Variants in SCIN observed in about 807,000 individuals in gnomAD.
The protein encoded by SCIN is scinderin, also known as adseverin.
A neutral mutation model predicts 91.8 loss-of-function variants in SCIN; 91 were observed. That is an observed-to-expected ratio of 0.99 (90% CI 0.84 to 1.18). The LOEUF (loss-of-function observed/expected upper bound fraction) is 1.18. Among genes scored for constraint, SCIN ranks in the 50% most tolerant of loss-of-function variants. The pLI is 0.00. For synonymous variants in SCIN, 367 were observed against 312.6 expected (o/e 1.17, Z -1.84); for missense variants, 1,087 against 863.9 (o/e 1.26, Z -3.24).
rs59555647 is a variant in SCIN at position 12,628,032 on chromosome 7, C to CGTGTGT, written c.1198-1040_1198-1035dup. Among the ~76,000 whole-genome samples, 12 of 146,398 alleles carry CGTGTGT rather than the reference C, an allele frequency of 8.2e-5. 1 individual carries two copies. The highest frequency in any genetic ancestry group is 2.8e-4 in the African/African-American group (11 of 39,016). ...CTGAGAACTTAGGCAAGTGTGCGCG[C>CGTGTGT]GTGTGTGTGTGTGTGTGTGTGTGTG... is the stretch of plus-strand genomic sequence containing the variant. On this transcript the variant is annotated intron_variant, in intron 8 of 15. Coordinates refer to ENST00000297029, the MANE Select transcript of SCIN (RefSeq NM_001112706.3).
chr7:12,618,358 C>T (rs1757384011), intron 4 of SCIN, among the ~76,000 whole-genome samples: 1 of 152,134 alleles, frequency 6.6e-6, no homozygotes, highest in African/African-American at 2.4e-5. Flanking sequence ...AAATCTCTTG[C>T]AGAAGCCCAG....
chr7:12,583,107 C>A (rs1782522109), intron 3 of SCIN, among the ~76,000 whole-genome samples: 1 of 151,084 alleles, frequency 6.6e-6, no homozygotes, highest in African/African-American at 2.4e-5. Context: ...GAAAGTATTT[C>A]TTTTCTTAAA....
Position 12,657,561 on chromosome 7 carries a change from T to TAC in SCIN, c.*4847_*4848insCA, listed in dbSNP as rs1562642365. On this transcript the variant is annotated 3_prime_UTR_variant, in exon 16 of 16. Transcript: ENST00000297029. ...GTGTATATATATATATATATATATA[T>TAC]ATATATATATATTTTTTTTTTTTTT... The TAC allele has an allele frequency of 3.0e-4, 7 of 23,104 alleles. No individual in the cohort carries two copies. Among genetic ancestry groups the TAC allele is most frequent in the African/African-American group, 9.5e-4 (7 of 7,332 alleles). The allele number at this position is 23,104 out of a possible 1,614,324, so 1.4% of individuals were successfully genotyped here.
At position 12,626,512 on chromosome 7, in the gene SCIN, C is replaced by T. The variant is rs1169126837; in HGVS notation, c.982-72C>T. The T allele has an allele frequency of 2.6e-6, 3 of 1,163,652 alleles. No homozygotes were observed. In the Admixed American group the frequency reaches 7.5e-5, roughly 29 times the overall value. 72.1% of individuals were successfully genotyped at this position (1,163,652 alleles called of 1,614,324 possible). A position where few individuals can be genotyped will look rare whatever the true frequency, so the allele number is the denominator to read the frequency against. Reference sequence around the variant, plus strand: ...ATTTTCCATTTCCTTACTTTTGTCTCCACTGCCAGATTCATATTTTCCCTT... The same window carrying T: ...ATTTTCCATTTCCTTACTTTTGTCTTCACTGCCAGATTCATATTTTCCCTT... On this transcript the variant is annotated intron_variant, in intron 7 of 15. Coordinates refer to ENST00000297029, the MANE Select transcript of SCIN (RefSeq NM_001112706.3).
intron 4 of SCIN, among the ~76,000 whole-genome samples, chr7:12,608,321 G>GCACACA (rs35120183): frequency 0.3 from 44,489 of 148,522 alleles, 6,730 homozygotes; most frequent in East Asian, 0.35. Flanking sequence ...ATGCACACAT[G>GCACACA]CACACACACA....
intron 4 of SCIN, among the ~76,000 whole-genome samples, chr7:12,621,456 C>T (rs774490321): frequency 6.6e-6 from 1 of 151,986 alleles, no homozygotes; most frequent in Non-Finnish European, 1.5e-5. Flanking sequence ...CTGGGTCCGC[C>T]CACTGGGAGG....
rs1187475336 is a variant in SCIN at position 12,590,020 on chromosome 7, G to A, written c.516+8799G>A. Among the ~76,000 whole-genome samples, 3 of 152,160 alleles carry A rather than the reference G, an allele frequency of 2.0e-5. No individual in the cohort carries two copies. In the East Asian group the frequency reaches 5.8e-4, roughly 29 times the overall value. ...ATTTGCCCTTTCGACTTTTCCGGAT[G>A]TCTGGGGCCAGCATGGGATATGGAG... On this transcript the variant is annotated intron_variant, in intron 3 of 15. Transcript: ENST00000297029.
intron 3 of SCIN, among the ~76,000 whole-genome samples, chr7:12,585,999 C>T (rs907769123): frequency 1.3e-5 from 2 of 152,196 alleles, no homozygotes; most frequent in Non-Finnish European, 2.9e-5. Context: ...CCTTTAGGGT[C>T]AGATTTAGAC....
chr7:12,637,799 G>A (rs972805100), intron 10 of SCIN, among the ~76,000 whole-genome samples: 1 of 152,170 alleles, frequency 6.6e-6, no homozygotes, highest in Non-Finnish European at 1.5e-5. Flanking sequence ...AATTATAAAT[G>A]AGTCAACTTT....
At chr7:12,573,056 T>C (rs7811582) in intron 1 of SCIN, among the ~76,000 whole-genome samples, 73,932 of 151,782 alleles carry the variant, frequency 0.49, 18,488 homozygotes, top group African/African-American at 0.58. Flanking sequence ...AAGAGAGAAT[T>C]ATGGAGAGAA....
chr7:12,636,214 G>A, intron 10 of SCIN, 79 bp downstream of exon 10: 1 of 975,712 alleles, frequency 1.0e-6, no homozygotes, highest in Non-Finnish European at 1.6e-6. Flanking sequence ...TCCCTCCCAA[G>A]TTGGGATAGA....
intron 13 of SCIN, among the ~76,000 whole-genome samples, chr7:12,645,018 TAAAAAAAAA>T: frequency 1.1e-5 from 1 of 93,768 alleles, no homozygotes; most frequent in East Asian, 3.4e-4. Flanking sequence ...AAAACTCCGT[TAAAAAAAAA>T]AAAAAAAAAG....
intron 3 of SCIN, among the ~76,000 whole-genome samples, chr7:12,583,332 C>A (rs1782526597): frequency 1.3e-5 from 2 of 152,166 alleles, no homozygotes; most frequent in Admixed American, 1.3e-4. Flanking sequence ...TCAGTCTCAT[C>A]TGACACACAG....
At chr7:12,638,473 A>G (rs1783796592) in intron 10 of SCIN, among the ~76,000 whole-genome samples, 1 of 152,226 alleles carries the variant, frequency 6.6e-6, no homozygotes, top group Non-Finnish European at 1.5e-5. Context: ...TGTTTCTGAT[A>G]CAGCAGCATT....
chr7:12,614,302 A>T (rs1362553608), intron 4 of SCIN, among the ~76,000 whole-genome samples: 1 of 152,214 alleles, frequency 6.6e-6, no homozygotes, highest in Non-Finnish European at 1.5e-5. Flanking sequence ...TTATTAACAC[A>T]GGAATTAAAT....
At chr7:12,627,831 T>A (rs146917316) in intron 8 of SCIN, among the ~76,000 whole-genome samples, 40 of 152,270 alleles carry the variant, frequency 2.6e-4, no homozygotes, top group Non-Finnish European at 4.4e-4. Context: ...CCTTCTCCTG[T>A]GCCATCCTAG....
Position 12,571,421 on chromosome 7 carries a change from C to T in SCIN, c.199+436C>T, listed in dbSNP as rs576881653. ...AGGAAGTCATAAAGTCTGGGGGCAT[C>T]TGCCGCCGCTAGGAAGAAGTCCTTT... On this transcript the variant is annotated intron_variant, in intron 1 of 15. Transcript: ENST00000297029. The T allele has an allele frequency of 5.4e-5, 19 of 351,322 alleles. No individual in the cohort carries two copies. In the Middle Eastern group the frequency reaches 2.0e-3, roughly 38 times the overall value. The allele number at this position is 351,322 out of a possible 1,614,324, so 21.8% of individuals were successfully genotyped here.
intron 4 of SCIN, among the ~76,000 whole-genome samples, chr7:12,608,125 A>G (rs372252340): frequency 2.6e-5 from 4 of 152,342 alleles, no homozygotes; most frequent in East Asian, 3.9e-4. Flanking sequence ...TTAATGAGTT[A>G]ATGAAAAGCT....
chr7:12,642,689 A>C (rs149154280), intron 11 of SCIN, among the ~76,000 whole-genome samples: 1 of 147,802 alleles, frequency 6.8e-6, no homozygotes, highest in Non-Finnish European at 1.5e-5. Flanking sequence ...ATTTTTCTCA[A>C]CCTCCCACTA....
Sources: allele counts gnomAD v4.1 joint callset (sites outside exome capture counted in the v4.1 genomes callset), GRCh38; gene constraint gnomAD v4.1.1; transcripts MANE v1.5; gene names NCBI Gene and HGNC (gene_info 2026-07-23, HGNC 2026-07-21).